Variants in NLGN4Y observed in about 807,000 individuals in gnomAD.
NLGN4Y encodes the protein neuroligin-4, Y-linked.
Under a neutral mutation model 8.4 loss-of-function variants are expected in NLGN4Y, and 4 were observed. The ratio of observed to expected loss-of-function variants is 0.48; its 90% CI spans 0.23 to 1.09. The LOEUF is 1.09. Among genes scored for constraint, NLGN4Y ranks in the 50% least tolerant of loss-of-function variants. The probability of loss-of-function intolerance (pLI) is 0.19; values close to 1 mark genes in which losing one functional copy is unlikely to be tolerated. For synonymous variants in NLGN4Y, 35 were observed against 75.6 expected (o/e 0.46, Z 2.78); for missense variants, 90 against 192.3 (o/e 0.47, Z 3.15).
chrY:14,706,345 A>G, intron 2 of NLGN4Y, among the ~76,000 whole-genome samples: 1 of 33,458 alleles, frequency 3.0e-5, no homozygotes, highest in Non-Finnish European at 7.4e-5. Flanking sequence ...AAACATTTAC[A>G]TGTTACCAGG....
At chrY:14,814,402 C>A in intron 4 of NLGN4Y, among the ~76,000 whole-genome samples, 1 of 32,847 alleles carries the variant, frequency 3.0e-5, no homozygotes, top group Non-Finnish European at 7.4e-5. Flanking sequence ...GAGTTGAGCT[C>A]ATTTGGGGTT....
chrY:14,745,251 C>T lies in NLGN4Y; in HGVS notation c.685+21982C>T, dbSNP rs367761653. On this transcript the variant is annotated intron_variant, in intron 4 of 6. Coordinates refer to ENST00000684976, the MANE Select transcript of NLGN4Y (RefSeq NM_001365588.1). ...AAATCCTCCTTTGAATACTTATTTACGATTAAGACAGTCAAGTTATATGAG... is the reference window on the plus strand; with the variant it reads ...AAATCCTCCTTTGAATACTTATTTATGATTAAGACAGTCAAGTTATATGAG... Among the ~76,000 whole-genome samples the T allele has an allele frequency of 5.1e-3, 172 of 33,747 alleles. No individual in the cohort carries two copies. The East Asian group carries it at 0.12, about 23-fold the overall frequency. The allele number at this position is 33,747 out of a possible 37,273, so 90.5% of individuals were successfully genotyped here.
intron 1 of NLGN4Y, among the ~76,000 whole-genome samples, chrY:14,531,674 A>G (rs2080115661): frequency 3.3e-5 from 1 of 30,536 alleles, no homozygotes; most frequent in African/African-American, 1.2e-4. Context: ...TCATTTAAAT[A>G]CAATTTTTAT....
At chrY:14,762,362 A>T (rs769723409) in intron 4 of NLGN4Y, among the ~76,000 whole-genome samples, 1 of 34,471 alleles carries the variant, frequency 2.9e-5, no homozygotes, top group Non-Finnish European at 7.3e-5. Context: ...TATTGATTTT[A>T]AAAAATAATA....
At chrY:14,674,164 A>T in intron 2 of NLGN4Y, among the ~76,000 whole-genome samples, 1 of 29,455 alleles carries the variant, frequency 3.4e-5, no homozygotes, top group South Asian at 8.0e-4. Flanking sequence ...GTGCACATGT[A>T]CCCTAAAACT....
intron 2 of NLGN4Y, chrY:14,639,244 G>A: frequency 5.3e-6 from 1 of 187,012 alleles, no homozygotes; most frequent in South Asian, 3.5e-5. Flanking sequence ...CAGGTGTTTG[G>A]CAATCAACTC....
intron 4 of NLGN4Y, among the ~76,000 whole-genome samples, chrY:14,757,248 C>G: frequency 3.1e-5 from 1 of 32,071 alleles, no homozygotes; most frequent in Non-Finnish European, 7.5e-5. Context: ...TTCACTAATT[C>G]TCTCGTTTAA....
intron 6 of NLGN4Y, among the ~76,000 whole-genome samples, chrY:14,839,068 A>C: frequency 3.0e-5 from 1 of 33,009 alleles, no homozygotes; most frequent in Non-Finnish European, 7.4e-5. Flanking sequence ...GTTGGAGGCA[A>C]CTTCACAAAA....
At chrY:14,609,382 T>C (rs900033422) in intron 1 of NLGN4Y, among the ~76,000 whole-genome samples, 4 of 33,648 alleles carry the variant, frequency 1.2e-4, no homozygotes, top group South Asian at 6.6e-4. Flanking sequence ...TGATATATGT[T>C]CCATCAATAC....
At chrY:14,654,141 T>TA (rs2080640494) in intron 2 of NLGN4Y, among the ~76,000 whole-genome samples, 1 of 33,841 alleles carries the variant, frequency 3.0e-5, no homozygotes, top group East Asian at 7.8e-4. Flanking sequence ...AACATGTACT[T>TA]ACCTTTTACA....
intron 1 of NLGN4Y, among the ~76,000 whole-genome samples, chrY:14,576,115 C>T: frequency 2.9e-5 from 1 of 33,913 alleles, no homozygotes; most frequent in South Asian, 6.7e-4. Flanking sequence ...CTCTTCCAAG[C>T]TGTCAGACAG....
chrY:14,558,749 C>CAA (rs2080217647), intron 1 of NLGN4Y, among the ~76,000 whole-genome samples: 1 of 32,991 alleles, frequency 3.0e-5, no homozygotes, highest in Non-Finnish European at 7.4e-5. Flanking sequence ...TGTAGATGTC[C>CAA]ACAAAATATT....
intron 4 of NLGN4Y, among the ~76,000 whole-genome samples, chrY:14,791,191 A>G (rs1423419540): frequency 3.0e-5 from 1 of 33,293 alleles, no homozygotes; most frequent in Non-Finnish European, 7.4e-5. Flanking sequence ...GAAACCTTAA[A>G]ACTAACCTGT....
At chrY:14,656,508 A>G in intron 2 of NLGN4Y, among the ~76,000 whole-genome samples, 1 of 30,062 alleles carries the variant, frequency 3.3e-5, no homozygotes, top group Non-Finnish European at 7.9e-5. Context: ...AATTGCTTGA[A>G]TCTAGGGGTC....
chrY:14,573,877 G>T (rs373862933), intron 1 of NLGN4Y, among the ~76,000 whole-genome samples: 1 of 33,312 alleles, frequency 3.0e-5, no homozygotes, highest in Admixed American at 2.8e-4. Flanking sequence ...TCAGGGGCAG[G>T]TTGTTCAGTT....
intron 1 of NLGN4Y, among the ~76,000 whole-genome samples, chrY:14,548,798 C>G (rs2080181288): frequency 9.0e-5 from 3 of 33,297 alleles, no homozygotes; most frequent in Admixed American, 8.3e-4. Flanking sequence ...TCCTAATTTT[C>G]TTCCACTGCC....
intron 1 of NLGN4Y, among the ~76,000 whole-genome samples, chrY:14,561,251 C>G: frequency 3.1e-5 from 1 of 32,075 alleles, no homozygotes; most frequent in Non-Finnish European, 7.6e-5. Flanking sequence ...CATTGACAGG[C>G]CCCAGTATGT....
intron 2 of NLGN4Y, among the ~76,000 whole-genome samples, chrY:14,705,558 T>C (rs2080873936): frequency 3.0e-5 from 1 of 33,564 alleles, no homozygotes; most frequent in East Asian, 8.0e-4. Flanking sequence ...TCATTAATTA[T>C]AAGAAATATG....
At chrY:14,674,596 T>C (rs2080741518) in intron 2 of NLGN4Y, among the ~76,000 whole-genome samples, 1 of 33,482 alleles carries the variant, frequency 3.0e-5, no homozygotes, top group South Asian at 6.6e-4. Context: ...AATGGGCTTC[T>C]CTTCAGCCCT....
Sources: allele counts gnomAD v4.1 joint callset (sites outside exome capture counted in the v4.1 genomes callset), GRCh38; gene constraint gnomAD v4.1.1; transcripts MANE v1.5; gene names NCBI Gene and HGNC (gene_info 2026-07-23, HGNC 2026-07-21).